CPLANE1: variants seen among roughly 807,000 people sequenced by gnomAD.
The protein encoded by CPLANE1 is ciliogenesis and planar polarity effector complex subunit 1, also known as ciliogenesis and planar polarity effector 1.
In CPLANE1, 263 loss-of-function variants were observed where a neutral mutation model predicts 362.5. That is an observed-to-expected ratio of 0.73 (90% CI 0.66 to 0.80). CPLANE1 has a LOEUF of 0.80. Ranked by LOEUF, CPLANE1 falls within the 30% of genes least tolerant of loss-of-function variation. The pLI is 0.00. For synonymous variants in CPLANE1, 1,212 were observed against 1,302.6 expected (o/e 0.93, Z 1.50); for missense variants, 3,461 against 3,793.4 (o/e 0.91, Z 2.30).
chr5:37,245,809 T>C lies in CPLANE1; in HGVS notation c.118A>G (p.Ile40Val), dbSNP rs1204171955. 47 of 1,528,736 alleles carry C rather than the reference T, an allele frequency of 3.1e-5. No individual in the cohort carries two copies. Among genetic ancestry groups the C allele is most frequent in the Non-Finnish European group, 3.9e-5 (45 of 1,139,654 alleles). The allele number at this position is 1,528,736 out of a possible 1,614,324, so 94.7% of individuals were successfully genotyped here. A position where few individuals can be genotyped will look rare whatever the true frequency, so the allele number is the denominator to read the frequency against. Residue 40 changes from isoleucine (I) to valine (V), a missense_variant, in exon 3 of 53, where the codon ATA becomes GTA. This residue lies in a region of CPLANE1 where 3,380 missense variants were observed against 3,666.1 expected (regional missense o/e 0.92). Coordinates refer to ENST00000651892, the MANE Select transcript of CPLANE1 (RefSeq NM_001384732.1). ...EAVFLLDDKF[I>V]NEINLLSGKI... ...CCTGATAGCAAATTAATTTCATTTA[T>C]GAATTTATCATCCAAAAGAAAAACG...
At chr5:37,198,632 TA>T in intron 20 of CPLANE1, 69 bp downstream of exon 20, 3 of 1,418,824 alleles carry the variant, frequency 2.1e-6, no homozygotes, top group Non-Finnish European at 2.9e-6. Context: ...ATAACAATTA[TA>T]AAAACAATAA....
intron 46 of CPLANE1, among the ~76,000 whole-genome samples, chr5:37,129,967 G>A (rs556569089): frequency 2.2e-4 from 33 of 152,240 alleles, no homozygotes; most frequent in African/African-American, 7.2e-4. Context: ...AGCACAATTC[G>A]CAATTGCAAA....
chr5:37,201,958 T>C (rs1789313806), intron 18 of CPLANE1, 150 bp from the exon 19 acceptor site: 1 of 602,078 alleles, frequency 1.7e-6, no homozygotes, highest in East Asian at 2.8e-5. Context: ...CAGACAGAAA[T>C]TACAAACTAT....
intron 31 of CPLANE1, among the ~76,000 whole-genome samples, chr5:37,174,532 A>G (rs1780636213): frequency 6.6e-6 from 1 of 152,174 alleles, no homozygotes; most frequent in Admixed American, 6.5e-5. Context: ...TTATTTACAA[A>G]TAAAAATTAA....
Position 37,209,918 on chromosome 5 carries a change from T to G in CPLANE1, c.2921-3493A>C. The G allele has an allele frequency of 7.1e-7, 1 of 1,406,688 alleles. No homozygotes were observed. The highest frequency in any genetic ancestry group is 1.0e-6 in the Non-Finnish European group (1 of 992,878). The allele number at this position is 1,406,688 out of a possible 1,614,324, so 87.1% of individuals were successfully genotyped here. The stretch of plus-strand genomic sequence containing the variant: ...AGCTTATTGATGATCAGTTTGCAGA[T>G]GCTTACCCTCAGCGTATCAAGTTTG... On this transcript the variant is annotated intron_variant, in intron 16 of 52. Coordinates refer to ENST00000651892, the MANE Select transcript of CPLANE1 (RefSeq NM_001384732.1). The surrounding 1 kb of genome is among the most constrained non-coding windows in gnomAD (Gnocchi z 4.6).
At chr5:37,092,789 T>A in the CPLANE1 span, among the ~76,000 whole-genome samples, 1 of 152,204 alleles carries the variant, frequency 6.6e-6, no homozygotes, top group Non-Finnish European at 1.5e-5. Flanking sequence ...AACTATACTA[T>A]AACCTTTATT....
rs186458714 is a variant in CPLANE1, at chr5:37,112,130, C to T, written c.9400+2830G>A. 1.7e-3 allele frequency among the ~76,000 whole-genome samples: 259 copies of T among 152,284 alleles called. 1 individual carries two copies. The highest frequency in any genetic ancestry group is 0.01 in the Middle Eastern group (3 of 294). ...TACAATTAATTTGGCATCTAGACAT[C>T]GACATTCTTGTTTTGTCCAAATGAA... On this transcript the variant is annotated intron_variant, in intron 51 of 52. Transcript: ENST00000651892.
chr5:37,113,944 C>G (rs1045729966), intron 51 of CPLANE1, among the ~76,000 whole-genome samples: 1 of 152,138 alleles, frequency 6.6e-6, no homozygotes, highest in African/African-American at 2.4e-5. Flanking sequence ...TCCCAAGTAG[C>G]TGGGACTACA....
At chr5:37,197,920 TCA>T (rs1788003451) in intron 20 of CPLANE1, among the ~76,000 whole-genome samples, 1 of 152,150 alleles carries the variant, frequency 6.6e-6, no homozygotes, top group South Asian at 2.1e-4. Context: ...CTAGTTACTT[TCA>T]GTTTCCATTG....
At chr5:37,208,946 AAAGAAAAG>A (rs1415046731) in intron 16 of CPLANE1, among the ~76,000 whole-genome samples, 1 of 91,388 alleles carries the variant, frequency 1.1e-5, no homozygotes, top group African/African-American at 3.7e-5. Context: ...TGAAAAAAAA[AAAGAAAAG>A]AAAAAAAGAA....
At chr5:37,127,682 C>A (rs1296668429) in intron 46 of CPLANE1, among the ~76,000 whole-genome samples, 1 of 151,612 alleles carries the variant, frequency 6.6e-6, no homozygotes, top group Non-Finnish European at 1.5e-5. Context: ...CCACGCCCGG[C>A]TTTTTGCATT....
At chr5:37,082,507 C>T in the CPLANE1 span, among the ~76,000 whole-genome samples, 1 of 152,050 alleles carries the variant, frequency 6.6e-6, no homozygotes, top group East Asian at 1.9e-4. Context: ...TGGAACAAAA[C>T]AGAGAGCCCA....
At chr5:37,120,392 T>C (rs1389584648) in intron 49 of CPLANE1, 52 bp from the exon 50 acceptor site, 1 of 1,487,880 alleles carries the variant, frequency 6.7e-7, no homozygotes, top group African/African-American at 1.5e-5. Context: ...ATATCAGCGA[T>C]AAACTTTAAC....
chr5:37,139,271 A>T, intron 45 of CPLANE1, 69 bp downstream of exon 45: 1 of 1,357,512 alleles, frequency 7.4e-7, no homozygotes, highest in Non-Finnish European at 1.0e-6. Context: ...TCACACACAT[A>T]TGAACAAAAT....
chr5:37,216,291 C>T (rs2150295184), intron 15 of CPLANE1, among the ~76,000 whole-genome samples: 1 of 152,276 alleles, frequency 6.6e-6, no homozygotes, highest in East Asian at 1.9e-4. Flanking sequence ...TGCCTGTAAT[C>T]CCCACACTTT....
In CPLANE1 at chr5:37,226,922, T is replaced by C; in HGVS notation, c.1673A>G (p.Asp558Gly). The change falls in exon 12 of 53, where the codon GAT (aspartate) becomes GGT (glycine). Residue 558 changes from aspartate to glycine, a missense_variant. Asp to Gly is a moderately conservative substitution (Grantham distance 94, BLOSUM62 -1). This residue lies in a region of CPLANE1 where 3,380 missense variants were observed against 3,666.1 expected (regional missense o/e 0.92). Coordinates refer to ENST00000651892, the MANE Select transcript of CPLANE1 (RefSeq NM_001384732.1). ...AATGGTTCTATCTGTCTCCTCACTA[T>C]CATCCTTTGCATGTATCGTATCAAA... ...SMFDTIHAKD[D>G]SEETDRTITE... 1 of 1,551,962 alleles carries C rather than the reference T, an allele frequency of 6.4e-7. No individual in the cohort carries two copies. Among genetic ancestry groups the C allele is most frequent in the South Asian group, 1.2e-5 (1 of 84,056 alleles).
In CPLANE1 at chr5:37,227,700, A is replaced by G. The variant is rs1796752355; in HGVS notation, c.1239T>C (p.Val413=). The G allele has an allele frequency of 1.3e-6, 2 of 1,551,522 alleles. No homozygotes were observed. The highest frequency in any genetic ancestry group is 1.7e-6 in the Non-Finnish European group (2 of 1,146,890). The part of the protein sequence containing the change: ...IKAHSRLPYL[V]ISDGYMVTTL... ...TTGTGACCATATATCCATCAGATAT[A>G]ACGAGGTAGGGTAACCGTGAGTGTG... is the stretch of plus-strand genomic sequence containing the variant. The change falls in exon 10 of 53, where the codon GTT becomes GTC. Residue 413 remains valine (V), a synonymous_variant. Coordinates refer to ENST00000651892, the MANE Select transcript of CPLANE1 (RefSeq NM_001384732.1).
intron 37 of CPLANE1, among the ~76,000 whole-genome samples, chr5:37,163,874 T>A (rs950393098): frequency 1.1e-4 from 16 of 152,072 alleles, no homozygotes; most frequent in Non-Finnish European, 2.1e-4. Flanking sequence ...TTGAGCTCAA[T>A]CACAATGGCC....
intron 42 of CPLANE1, among the ~76,000 whole-genome samples, chr5:37,149,959 T>C (rs895960028): frequency 1.3e-5 from 2 of 152,174 alleles, no homozygotes; most frequent in African/African-American, 4.8e-5. Flanking sequence ...TGAACAAATA[T>C]TTATTAAATG....
Sources: allele counts gnomAD v4.1 joint callset (sites outside exome capture counted in the v4.1 genomes callset), GRCh38; gene constraint gnomAD v4.1.1; regional missense constraint gnomAD v4.1.1; non-coding constraint Gnocchi (gnomAD v3.1); transcripts MANE v1.5; gene names NCBI Gene and HGNC (gene_info 2026-07-23, HGNC 2026-07-21).